LCN10: variants seen among roughly 807,000 people sequenced by gnomAD.
LCN10 encodes the protein lipocalin 10, also known as epididymal-specific lipocalin-10.
Under a neutral mutation model 25.1 loss-of-function variants are expected in LCN10, and 18 were observed. That is an observed-to-expected ratio of 0.72 (90% CI 0.50 to 1.06). The LOEUF (loss-of-function observed/expected upper bound fraction) is 1.06, where lower values mean the gene tolerates loss of function less well. LCN10 is among the 50% of genes least tolerant of loss of function. The pLI is 0.00. For synonymous variants in LCN10, 130 were observed against 116.7 expected (o/e 1.11, Z -0.73); for missense variants, 257 against 258.9 (o/e 0.99, Z 0.05).
In LCN10 at chr9:136,740,182, G is replaced by A. The variant is rs561748536; in HGVS notation, c.476-134C>T. On this transcript the variant is annotated intron_variant, in intron 4 of 5. Coordinates refer to ENST00000497771, the MANE Select transcript of LCN10 (RefSeq NM_001001712.3). This position sits in a 1 kb window ranked among gnomAD's most constrained non-coding sequence, Gnocchi z 5.3. ...TAGGCGTGAAGCAGGGGTTGGCCAG[G>A]GGAGGACAGCGGCCGCTGGGCCCCT... 1 of 711,342 alleles carries A rather than the reference G, an allele frequency of 1.4e-6. No homozygotes were observed. The highest frequency in any genetic ancestry group is 2.1e-5 in the Admixed American group (1 of 47,386). 44.1% of individuals were successfully genotyped at this position (711,342 alleles called of 1,614,324 possible). A position where few individuals can be genotyped will look rare whatever the true frequency, so the allele number is the denominator to read the frequency against.
In LCN10 at chr9:136,738,777, G is replaced by C. The variant is rs1846871981; in HGVS notation, c.*748C>G. ...CATCCTGTTCTGGGGATGCACCCCT[G>C]CTCCTCCAGCCCCACCCAAACTGAC... On this transcript the variant is annotated 3_prime_UTR_variant, in exon 6 of 6. Transcript: ENST00000497771. 6.6e-6 allele frequency: 1 copy of C among 152,204 alleles called. No individual in the cohort carries two copies. Among genetic ancestry groups the C allele is most frequent in the Non-Finnish European group, 1.5e-5 (1 of 68,070 alleles). The allele number at this position is 152,204 out of a possible 1,614,324, so 9.4% of individuals were successfully genotyped here.
intron 1 of LCN10, chr9:136,742,447 T>C (rs1846958652): frequency 2.4e-6 from 1 of 424,434 alleles, no homozygotes; most frequent in Non-Finnish European, 4.3e-6. Flanking sequence ...ACTCAGCAGG[T>C]GCCCGGGCCC....
At chr9:136,741,795 G>A in intron 2 of LCN10, 86 bp downstream of exon 2, 1 of 1,475,006 alleles carries the variant, frequency 6.8e-7, no homozygotes, top group Middle Eastern at 2.4e-4. Flanking sequence ...AGACAGACAG[G>A]CTCCTCCCAG....
Position 136,739,771 on chromosome 9 carries a change from C to A in LCN10, c.574+179G>T. 2 of 752,526 alleles carry A rather than the reference C, an allele frequency of 2.7e-6. No homozygotes were observed. Among genetic ancestry groups the A allele is most frequent in the East Asian group, 2.7e-5 (1 of 37,102 alleles). The allele number at this position is 752,526 out of a possible 1,614,324, so 46.6% of individuals were successfully genotyped here. On this transcript the variant is annotated intron_variant, in intron 5 of 5. Transcript: ENST00000497771. This position sits in a 1 kb window ranked among gnomAD's most constrained non-coding sequence, Gnocchi z 6.1. Reference sequence around the variant, plus strand: ...GACGCCTCTCGCTGTCGGTGCCAGGCCTGCCAGGCCAAGCCCCGATTCTCA... The same window carrying A: ...GACGCCTCTCGCTGTCGGTGCCAGGACTGCCAGGCCAAGCCCCGATTCTCA...
At position 136,740,162 on chromosome 9, in the gene LCN10, G is replaced by T; in HGVS notation, c.476-114C>A. The T allele has an allele frequency of 1.3e-6, 1 of 776,064 alleles. No homozygotes were observed. Among genetic ancestry groups the T allele is most frequent in the Non-Finnish European group, 2.2e-6 (1 of 447,958 alleles). 48.1% of individuals were successfully genotyped at this position (776,064 alleles called of 1,614,324 possible). ...GCTGAAATGTCCTCAGAGCTTAGGC[G>T]TGAAGCAGGGGTTGGCCAGGGGAGG... On this transcript the variant is annotated intron_variant, in intron 4 of 5. Transcript: ENST00000497771. The surrounding 1 kb of genome is among the most constrained non-coding windows in gnomAD (Gnocchi z 5.3).
In LCN10 at chr9:136,739,192, G is replaced by A. The variant is rs61752580; in HGVS notation, c.*333C>T. 9.7e-3 allele frequency: 3,021 copies of A among 311,672 alleles called. 84 individuals are homozygous for A. The highest frequency in any genetic ancestry group is 0.06 in the African/African-American group (2,802 of 46,566). 19.3% of individuals were successfully genotyped at this position (311,672 alleles called of 1,614,324 possible). On this transcript the variant is annotated 3_prime_UTR_variant, in exon 6 of 6. Transcript: ENST00000497771. The surrounding 1 kb of genome is among the most constrained non-coding windows in gnomAD (Gnocchi z 6.1). Reference sequence around the variant, plus strand: ...GCGGAGGGTGGCGGCGGCGTGGAGGGCAGAGGCAAGGCACACGGCGAGGAC... The same window carrying A: ...GCGGAGGGTGGCGGCGGCGTGGAGGACAGAGGCAAGGCACACGGCGAGGAC...
At chr9:136,741,471 C>G (rs1394304337) in intron 2 of LCN10, 110 bp from the exon 3 acceptor site, 1 of 918,074 alleles carries the variant, frequency 1.1e-6, no homozygotes, top group Non-Finnish European at 1.7e-6. Context: ...CCCGTGGGAC[C>G]CGGGAAGGTT....
Position 136,741,942 on chromosome 9 carries a change from C to A in LCN10, c.196G>T (p.Gly66Trp), listed in dbSNP as rs759921923. ...TTGTTCACCTTTACCACGGACGCCC[C>A]CAGCTTCCTCTTGTCCCTGGCCGGC... The part of the protein sequence containing the change: ...FLPARDKRKL[G>W]ASVVKVNKVG... The change falls in exon 2 of 6, where the codon GGG becomes TGG. Residue 66 changes from glycine to tryptophan, a missense_variant. Physicochemically the swap from Gly to Trp is radical, Grantham distance 184. Transcript: ENST00000497771. 5 of 1,611,568 alleles carry A rather than the reference C, an allele frequency of 3.1e-6. No individual in the cohort carries two copies. The Admixed American group carries it at 6.7e-5, about 22-fold the overall frequency.
chr9:136,739,825 G>T lies in LCN10; in HGVS notation c.574+125C>A. The T allele has an allele frequency of 1.1e-6, 1 of 917,926 alleles. No individual in the cohort carries two copies. 56.9% of individuals were successfully genotyped at this position (917,926 alleles called of 1,614,324 possible). A position where few individuals can be genotyped will look rare whatever the true frequency, so the allele number is the denominator to read the frequency against. On this transcript the variant is annotated intron_variant, in intron 5 of 5. Transcript: ENST00000497771. The surrounding 1 kb of genome is among the most constrained non-coding windows in gnomAD (Gnocchi z 6.1). The stretch of plus-strand genomic sequence containing the variant: ...GCGGCAGGAGGTGGGAGGCACGTTT[G>T]GGCGGATCTTTCAAATGGCACCTTT...
Position 136,740,772 on chromosome 9 carries a change from C to T in LCN10, c.475+64G>A, listed in dbSNP as rs903043638. The T allele has an allele frequency of 2.9e-5, 39 of 1,324,806 alleles. No homozygotes were observed. Among genetic ancestry groups the T allele is most frequent in the Middle Eastern group, 1.9e-4 (1 of 5,234 alleles). 82.1% of individuals were successfully genotyped at this position (1,324,806 alleles called of 1,614,324 possible). ...CTCCTGCCCGGCCCCCTGTGCCCAG[C>T]GCCCCTCTATGCCTCCCTCTGCACC... On this transcript the variant is annotated intron_variant, in intron 4 of 5. Coordinates refer to ENST00000497771, the MANE Select transcript of LCN10 (RefSeq NM_001001712.3). This position sits in a 1 kb window ranked among gnomAD's most constrained non-coding sequence, Gnocchi z 5.3.
rs1846882252 is a variant in LCN10, at chr9:136,739,228, C to T, written c.*297G>A. On this transcript the variant is annotated 3_prime_UTR_variant, in exon 6 of 6. Coordinates refer to ENST00000497771, the MANE Select transcript of LCN10 (RefSeq NM_001001712.3). This position sits in a 1 kb window ranked among gnomAD's most constrained non-coding sequence, Gnocchi z 6.1. The stretch of plus-strand genomic sequence containing the variant: ...GCACACGGCGAGGACTGCGTTGGGC[C>T]GGCCTGTGGTCTGTTTCACAGCAGA... The T allele has an allele frequency of 1.2e-5, 5 of 409,696 alleles. No individual in the cohort carries two copies. Among genetic ancestry groups the T allele is most frequent in the Admixed American group, 7.5e-5 (2 of 26,586 alleles). The allele number at this position is 409,696 out of a possible 1,614,324, so 25.4% of individuals were successfully genotyped here. A position where few individuals can be genotyped will look rare whatever the true frequency, so the allele number is the denominator to read the frequency against.
In LCN10 at chr9:136,739,788, C is replaced by T. The variant is rs1403150449; in HGVS notation, c.574+162G>A. ...GTGCCAGGCCTGCCAGGCCAAGCCC[C>T]GATTCTCAGGGGCGGCAGGAGGTGG... On this transcript the variant is annotated intron_variant, in intron 5 of 5. Coordinates refer to ENST00000497771, the MANE Select transcript of LCN10 (RefSeq NM_001001712.3). This position sits in a 1 kb window ranked among gnomAD's most constrained non-coding sequence, Gnocchi z 6.1. 8.9e-6 allele frequency: 7 copies of T among 786,824 alleles called. No individual in the cohort carries two copies. The highest frequency in any genetic ancestry group is 8.1e-5 in the East Asian group (3 of 37,224). The allele number at this position is 786,824 out of a possible 1,614,324, so 48.7% of individuals were successfully genotyped here.
chr9:136,742,800 AGGGCGT>A lies in LCN10; in HGVS notation c.98_103del (p.His33_Ala34del). On this transcript the variant is annotated inframe_deletion, in exon 1 of 6. Transcript: ENST00000497771. ...CACATGGCTCACCTTGTTCCAGTTGAGGGCGTGGGACTCCCTGGGGTACCACTCCTG... is the reference window on the plus strand; with the variant it reads ...CACATGGCTCACCTTGTTCCAGTTGAGGGACTCCCTGGGGTACCACTCCTG... The A allele has an allele frequency of 6.2e-7, 1 of 1,613,356 alleles. No homozygotes were observed. The highest frequency in any genetic ancestry group is 8.5e-7 in the Non-Finnish European group (1 of 1,179,740).
chr9:136,740,910 G>A lies in LCN10; in HGVS notation c.401C>T (p.Thr134Ile), dbSNP rs1476193897. Residue 134 changes from threonine (T) to isoleucine (I), a missense_variant, in exon 4 of 6, where the codon ACT becomes ATT. Transcript: ENST00000497771. This position sits in a 1 kb window ranked among gnomAD's most constrained non-coding sequence, Gnocchi z 5.3. ...GTAGACCAAGCCGTAGCTGTAGTCA[G>A]TGGACAGCACGTGGAAGGCCTTCAC... ...KGVKAFHVLS[T>I]DYSYGLVYLR... 1.2e-5 allele frequency: 19 copies of A among 1,613,738 alleles called. No individual in the cohort carries two copies. Among genetic ancestry groups the A allele is most frequent in the Non-Finnish European group, 1.6e-5 (19 of 1,179,862 alleles).
In LCN10 at chr9:136,739,642, T is replaced by G; in HGVS notation, c.575-89A>C. The G allele has an allele frequency of 7.9e-7, 1 of 1,259,658 alleles. No individual in the cohort carries two copies. Among genetic ancestry groups the G allele is most frequent in the Middle Eastern group, 2.3e-4 (1 of 4,406 alleles). The allele number at this position is 1,259,658 out of a possible 1,614,324, so 78.0% of individuals were successfully genotyped here. Reference sequence around the variant, plus strand: ...CACGTCTCCCCCGGCCGCTCCCTGGTTCCATGCGTGCTCGTCTTGGGCACC... The same window carrying G: ...CACGTCTCCCCCGGCCGCTCCCTGGGTCCATGCGTGCTCGTCTTGGGCACC... On this transcript the variant is annotated intron_variant, in intron 5 of 5. Coordinates refer to ENST00000497771, the MANE Select transcript of LCN10 (RefSeq NM_001001712.3). This position sits in a 1 kb window ranked among gnomAD's most constrained non-coding sequence, Gnocchi z 6.1.
At chr9:136,741,222 G>C (rs1395469620) in intron 3 of LCN10, 30 bp downstream of exon 3, 1 of 1,588,294 alleles carries the variant, frequency 6.3e-7, no homozygotes, top group South Asian at 1.1e-5. Context: ...ATATCACGCA[G>C]CTCCTCCAGG....
At position 136,741,890 on chromosome 9, in the gene LCN10, G is replaced by C. The variant is rs565667281; in HGVS notation, c.248C>G (p.Ala83Gly). The change falls in exon 2 of 6, where the codon GCC becomes GGC. Residue 83 changes from alanine (A) to glycine (G), a missense_variant. Transcript: ENST00000497771. ...NKVGQLRVLL[A>G]FRRLKGCQSQ... Reference sequence around the variant, plus strand: ...GGCGCTGCCCACTCACCGTCTGAAGGCGAGGAGCACGCGGAGCTGGCCCAC... The same window carrying C: ...GGCGCTGCCCACTCACCGTCTGAAGCCGAGGAGCACGCGGAGCTGGCCCAC... 6.2e-7 allele frequency: 1 copy of C among 1,606,326 alleles called. No individual in the cohort carries two copies. The highest frequency in any genetic ancestry group is 1.1e-5 in the South Asian group (1 of 89,336).
Position 136,739,542 on chromosome 9 carries a change from G to A in LCN10, c.586C>T (p.His196Tyr). ...VILPKDASRT[H>Y]TILP ...GCTGGCTCTCATGGCAGGATGGTGT[G>A]TGTACGGGACGCTGTGGGAGAGGAA... is the stretch of plus-strand genomic sequence containing the variant. Residue 196 changes from histidine (H) to tyrosine (Y), a missense_variant, in exon 6 of 6, where the codon CAC becomes TAC. By Grantham distance (83) the His-to-Tyr change is moderately conservative. Transcript: ENST00000497771. The surrounding 1 kb of genome is among the most constrained non-coding windows in gnomAD (Gnocchi z 6.1). 6.2e-7 allele frequency: 1 copy of A among 1,600,810 alleles called. No individual in the cohort carries two copies. Among genetic ancestry groups the A allele is most frequent in the Non-Finnish European group, 8.5e-7 (1 of 1,174,404 alleles).
At position 136,740,094 on chromosome 9, in the gene LCN10, T is replaced by C; in HGVS notation, c.476-46A>G. ...ACATCAGAGACTCCAGCTCTGGCCA[T>C]TTTAGGGTCTGCACCCTGACCCCCA... is the stretch of plus-strand genomic sequence containing the variant. On this transcript the variant is annotated intron_variant, in intron 4 of 5. Transcript: ENST00000497771. This position sits in a 1 kb window ranked among gnomAD's most constrained non-coding sequence, Gnocchi z 5.3. The C allele has an allele frequency of 7.7e-7, 1 of 1,293,354 alleles. No individual in the cohort carries two copies. Among genetic ancestry groups the C allele is most frequent in the South Asian group, 1.3e-5 (1 of 78,840 alleles). 80.1% of individuals were successfully genotyped at this position (1,293,354 alleles called of 1,614,324 possible).
Sources: allele counts gnomAD v4.1 joint callset, GRCh38; gene constraint gnomAD v4.1.1; non-coding constraint Gnocchi (gnomAD v3.1); transcripts MANE v1.5; gene names NCBI Gene and HGNC (gene_info 2026-07-23, HGNC 2026-07-21).